OSBPL9: variants seen among roughly 807,000 people sequenced by gnomAD.
OSBPL9 encodes oxysterol binding protein like 9.
Under a neutral mutation model 106.6 loss-of-function variants are expected in OSBPL9, and 40 were observed. The ratio of observed to expected loss-of-function variants is 0.38; its 90% CI spans 0.29 to 0.49. The LOEUF (loss-of-function observed/expected upper bound fraction) is 0.49. OSBPL9 is among the 20% of genes least tolerant of loss of function. The pLI is 0.97. For missense variants in OSBPL9, 609 were observed against 887.2 expected, an observed-to-expected ratio of 0.69 and a Z score of 3.98; for synonymous variants, 269 against 295.4, an observed-to-expected ratio of 0.91 and a Z score of 0.92.
intron 16 of OSBPL9, 51 bp from the exon 17 acceptor site, chr1:51,782,504 GAAAT>G: frequency 6.6e-7 from 1 of 1,524,070 alleles, no homozygotes; most frequent in Non-Finnish European, 9.1e-7. Flanking sequence ...CAGATTCTCT[GAAAT>G]GTCATTTGTG....
chr1:51,707,480 TG>T (rs1238379325), intron 3 of OSBPL9: 1 of 181,938 alleles, frequency 5.5e-6, no homozygotes, highest in Non-Finnish European at 1.2e-5. Context: ...AGTTTGGGGA[TG>T]ACCTTGCCTA....
chr1:51,764,145 CA>C (rs1672090411), intron 11 of OSBPL9, among the ~76,000 whole-genome samples: 1 of 151,934 alleles, frequency 6.6e-6, no homozygotes, highest in Non-Finnish European at 1.5e-5. Flanking sequence ...CTTGTTAATA[CA>C]AAAAAGAAAT....
chr1:51,711,801 C>T (rs572950451), intron 3 of OSBPL9, among the ~76,000 whole-genome samples: 2 of 150,904 alleles, frequency 1.3e-5, no homozygotes, highest in African/African-American at 4.9e-5. Flanking sequence ...GCGCTCCCCA[C>T]ATCTCAGATG....
chr1:51,640,952 T>TA (rs1174755876), intron 1 of OSBPL9, among the ~76,000 whole-genome samples: 3 of 151,448 alleles, frequency 2.0e-5, no homozygotes, highest in Admixed American at 1.3e-4. Flanking sequence ...CCTGGCTAAT[T>TA]AAAAAAAATT....
intron 9 of OSBPL9, among the ~76,000 whole-genome samples, chr1:51,758,041 T>C (rs1670703395): frequency 6.6e-6 from 1 of 152,172 alleles, no homozygotes; most frequent in Admixed American, 6.5e-5. Context: ...AGTTGTAGAA[T>C]GTAATGTGAC....
At chr1:51,536,661 A>T in the OSBPL9 span, among the ~76,000 whole-genome samples, 1 of 152,080 alleles carries the variant, frequency 6.6e-6, no homozygotes, top group Non-Finnish European at 1.5e-5. Flanking sequence ...ATAGTTCCCC[A>T]GTCTTTCACT....
intron 2 of OSBPL9, among the ~76,000 whole-genome samples, chr1:51,604,491 G>A (rs2148604531): frequency 6.6e-6 from 1 of 151,790 alleles, no homozygotes; most frequent in Middle Eastern, 3.4e-3. Context: ...GGGAGGCGGA[G>A]GTTGCAGTAA....
chr1:51,781,428 C>T, intron 16 of OSBPL9, 93 bp downstream of exon 16: 1 of 1,260,180 alleles, frequency 7.9e-7, no homozygotes, highest in East Asian at 2.5e-5. Context: ...AAGCAATGAT[C>T]AAAAGATGGT....
chr1:51,654,516 C>G (rs1646706552), intron 2 of OSBPL9, among the ~76,000 whole-genome samples: 1 of 151,806 alleles, frequency 6.6e-6, no homozygotes, highest in African/African-American at 2.4e-5. Context: ...TGTATATTTC[C>G]AAAAGAATTG....
chr1:51,702,090 T>C lies in OSBPL9; in HGVS notation c.242-11913T>C, dbSNP rs576715113. On this transcript the variant is annotated intron_variant, in intron 3 of 23. Coordinates refer to ENST00000428468, the MANE Select transcript of OSBPL9 (RefSeq NM_024586.6). ...GGTTCCAAGTCTTTGCTATTGTGAATAGTGCCACAGTAAACATACGTGTGC... is the reference window on the plus strand; with the variant it reads ...GGTTCCAAGTCTTTGCTATTGTGAACAGTGCCACAGTAAACATACGTGTGC... Among the ~76,000 whole-genome samples the C allele has an allele frequency of 3.6e-3, 553 of 152,338 alleles. 4 individuals are homozygous for C. Among genetic ancestry groups the C allele is most frequent in the African/African-American group, 0.012 (507 of 41,568 alleles).
chr1:51,582,677 C>A (rs1645227396), intron 1 of OSBPL9: 1 of 152,172 alleles, frequency 6.6e-6, no homozygotes, highest in Non-Finnish European at 1.5e-5. Context: ...CTTCTCTACA[C>A]TCACTTGTTT....
chr1:51,752,215 T>G (rs1216455801), intron 8 of OSBPL9, among the ~76,000 whole-genome samples: 1 of 151,992 alleles, frequency 6.6e-6, no homozygotes, highest in Non-Finnish European at 1.5e-5. Flanking sequence ...TTTCTTTTTC[T>G]CAGGCAAGAC....
At chr1:51,747,707 A>G (rs926993978) in intron 6 of OSBPL9, among the ~76,000 whole-genome samples, 2 of 152,136 alleles carry the variant, frequency 1.3e-5, no homozygotes, top group Non-Finnish European at 2.9e-5. Context: ...AACTTAGGAA[A>G]GATAAATGTG....
chr1:51,724,096 G>A (rs931936349), intron 4 of OSBPL9, among the ~76,000 whole-genome samples: 9 of 152,018 alleles, frequency 5.9e-5, no homozygotes, highest in Middle Eastern at 3.4e-3. Flanking sequence ...ACAGGAGTGC[G>A]CCACCACGCC....
intron 1 of OSBPL9, among the ~76,000 whole-genome samples, chr1:51,582,553 C>T (rs1226033392): frequency 6.6e-6 from 1 of 152,106 alleles, no homozygotes; most frequent in Non-Finnish European, 1.5e-5. Context: ...TGGTTTCAAA[C>T]TCCTGACCTC....
At chr1:51,658,930 CTCTT>C (rs1646977294) in intron 2 of OSBPL9, among the ~76,000 whole-genome samples, 1 of 152,054 alleles carries the variant, frequency 6.6e-6, no homozygotes, top group Non-Finnish European at 1.5e-5. Flanking sequence ...TTTTTGTAAG[CTCTT>C]TCTCTTCTCT....
chr1:51,679,870 T>G (rs938590671), intron 3 of OSBPL9, among the ~76,000 whole-genome samples: 1 of 152,208 alleles, frequency 6.6e-6, no homozygotes, highest in Non-Finnish European at 1.5e-5. Context: ...GTTGTTAATC[T>G]TACTGTGCCT....
chr1:51,760,605 T>G, intron 9 of OSBPL9, 85 bp from the exon 10 acceptor site: 4 of 1,588,766 alleles, frequency 2.5e-6, no homozygotes, highest in Non-Finnish European at 3.4e-6. Flanking sequence ...CTCAGGATTT[T>G]GAAGTCATAA....
chr1:51,756,074 T>A (rs1218065710), intron 8 of OSBPL9, among the ~76,000 whole-genome samples: 1 of 152,258 alleles, frequency 6.6e-6, no homozygotes, highest in South Asian at 2.1e-4. Context: ...ATTTCCACGA[T>A]GAACTTAGTT....
Sources: gnomAD v4.1 joint callset for allele counts (sites outside exome capture counted in the v4.1 genomes callset) on GRCh38, gnomAD v4.1.1 for gene constraint, MANE v1.5 for transcripts, NCBI Gene and HGNC (gene_info 2026-07-23, HGNC 2026-07-21) for gene names.